PPHLN1: variants seen among roughly 807,000 people sequenced by gnomAD.
The protein encoded by PPHLN1 is periphilin 1, also known as periphilin-1.
A neutral mutation model predicts 51.3 loss-of-function variants in PPHLN1; 29 were observed. The ratio of observed to expected loss-of-function variants is 0.57; its 90% CI spans 0.42 to 0.77. The LOEUF (loss-of-function observed/expected upper bound fraction) is 0.77, where lower values mean the gene tolerates loss of function less well. Ranked by LOEUF, PPHLN1 falls within the 30% of genes least tolerant of loss-of-function variation. The pLI is 0.00. For missense variants in PPHLN1, 436 were observed against 438.4 expected (o/e 0.99, Z 0.05); for synonymous variants, 147 against 147.8 (o/e 0.99, Z 0.04).
chr12:42,436,392 A>G (rs1340105282), intron 9 of PPHLN1, among the ~76,000 whole-genome samples: 1 of 152,148 alleles, frequency 6.6e-6, no homozygotes, highest in Non-Finnish European at 1.5e-5. Flanking sequence ...ACTGCTAAAG[A>G]TTATAAAATC....
intron 1 of PPHLN1, among the ~76,000 whole-genome samples, chr12:42,332,100 A>C (rs2069840017): frequency 6.6e-6 from 1 of 152,076 alleles, no homozygotes; most frequent in Admixed American, 6.6e-5. Context: ...GCTACTAGGG[A>C]GGTTGAGTCG....
intron 1 of PPHLN1, among the ~76,000 whole-genome samples, chr12:42,327,687 C>T (rs2069014184): frequency 1.3e-5 from 2 of 152,204 alleles, no homozygotes; most frequent in Admixed American, 6.5e-5. Flanking sequence ...TCTTTGCCAT[C>T]CCTACTAAGC....
At chr12:42,395,074 TTAAA>T (rs2078077555) in intron 8 of PPHLN1, among the ~76,000 whole-genome samples, 1 of 152,116 alleles carries the variant, frequency 6.6e-6, no homozygotes, top group Non-Finnish European at 1.5e-5. Context: ...GTTCTCAAAT[TTAAA>T]TATTCTGCTT....
rs148870522 is a variant in PPHLN1, at chr12:42,437,869, T to C, written c.910-3446T>C. Reference sequence around the variant, plus strand: ...CCTTCCACTTTCCCCTGGCAACTTATGATCTCTTTAGTGTCTATGGGTTTT... The same window carrying C: ...CCTTCCACTTTCCCCTGGCAACTTACGATCTCTTTAGTGTCTATGGGTTTT... On this transcript the variant is annotated intron_variant, in intron 9 of 9. Coordinates refer to ENST00000358314, the MANE Select transcript of PPHLN1 (RefSeq NM_201439.2). Among the ~76,000 whole-genome samples, 422 of 152,326 alleles carry C rather than the reference T, an allele frequency of 2.8e-3. 1 individual carries two copies. The highest frequency in any genetic ancestry group is 9.5e-3 in the African/African-American group (393 of 41,564).
At chr12:42,391,921 T>TA (rs1437100869) in intron 7 of PPHLN1, among the ~76,000 whole-genome samples, 1 of 151,950 alleles carries the variant, frequency 6.6e-6, no homozygotes, top group Non-Finnish European at 1.5e-5. Flanking sequence ...CCTTTTCAGT[T>TA]AAAAAAATGT....
chr12:42,391,587 C>T (rs1425174657), intron 7 of PPHLN1, among the ~76,000 whole-genome samples: 3 of 151,954 alleles, frequency 2.0e-5, no homozygotes, highest in East Asian at 3.9e-4. Context: ...TGTTTTTGCT[C>T]TTTAATTTTC....
At chr12:42,353,803 G>A (rs1007818103) in intron 3 of PPHLN1, among the ~76,000 whole-genome samples, 1 of 152,056 alleles carries the variant, frequency 6.6e-6, no homozygotes, top group Non-Finnish European at 1.5e-5. Context: ...GTTTGTATTT[G>A]AAACCTCATG....
At chr12:42,421,451 G>A (rs551493970) in intron 9 of PPHLN1, among the ~76,000 whole-genome samples, 14 of 152,166 alleles carry the variant, frequency 9.2e-5, no homozygotes, top group East Asian at 1.9e-4. Flanking sequence ...AGGTTCAAGC[G>A]ATTCTCCTGT....
downstream of PPHLN1, chr12:42,446,609 C>G: frequency 6.2e-7 from 1 of 1,613,312 alleles, no homozygotes; most frequent in Non-Finnish European, 8.5e-7. Flanking sequence ...AGCCAGAAAA[C>G]AAGCAGTAAC....
intron 9 of PPHLN1, among the ~76,000 whole-genome samples, chr12:42,426,771 G>A (rs114204102): frequency 0.014 from 2,172 of 152,262 alleles, 60 homozygotes; most frequent in African/African-American, 0.048. Flanking sequence ...TCCCTGAATT[G>A]AGAACTCAAC....
chr12:42,344,396 C>G lies in PPHLN1; in HGVS notation c.73-7489C>G, dbSNP rs377183446. On this transcript the variant is annotated intron_variant, in intron 2 of 9. Transcript: ENST00000358314. ...TCCCAAAGGAGAAATCGACTATCAG[C>G]TTCATTGCCAATCTTGTTTTGTCTA... 4.6e-5 allele frequency among the ~76,000 whole-genome samples: 7 copies of G among 152,286 alleles called. No homozygotes were observed. The East Asian group carries it at 1.4e-3, about 29-fold the overall frequency.
chr12:42,414,965 G>A (rs2080239616), intron 9 of PPHLN1, among the ~76,000 whole-genome samples: 1 of 152,138 alleles, frequency 6.6e-6, no homozygotes, highest in South Asian at 2.1e-4. Flanking sequence ...ATATTAAGGT[G>A]TCAGGGTTTT....
At chr12:42,345,184 A>C (rs1448018893) in intron 2 of PPHLN1, among the ~76,000 whole-genome samples, 1 of 152,184 alleles carries the variant, frequency 6.6e-6, no homozygotes, top group African/African-American at 2.4e-5. Context: ...TTGGAAAACT[A>C]GGTATTTTAT....
chr12:42,374,369 T>C lies in PPHLN1; in HGVS notation c.300-494T>C, dbSNP rs73272006. Among the ~76,000 whole-genome samples the C allele has an allele frequency of 9.1e-3, 1,387 of 152,344 alleles. 22 individuals are homozygous for C. The highest frequency in any genetic ancestry group is 0.031 in the African/African-American group (1,290 of 41,572). On this transcript the variant is annotated intron_variant, in intron 4 of 9. Transcript: ENST00000358314. The stretch of plus-strand genomic sequence containing the variant: ...GGGTACATTCTAAATCATATTTCAC[T>C]GATACTGTTTCATTTTGTTAGCTGA...
chr12:42,421,100 A>G (rs2080966591), intron 9 of PPHLN1, among the ~76,000 whole-genome samples: 1 of 152,178 alleles, frequency 6.6e-6, no homozygotes, highest in African/African-American at 2.4e-5. Flanking sequence ...TTAAAATTTG[A>G]GCCAAAGCTA....
intron 9 of PPHLN1, chr12:42,399,276 G>T (rs1214598434): frequency 3.2e-6 from 3 of 931,092 alleles, no homozygotes. Flanking sequence ...AGTTAATAGG[G>T]ATGGGATGGA....
At chr12:42,381,466 T>C (rs2076753135) in intron 5 of PPHLN1, among the ~76,000 whole-genome samples, 1 of 152,222 alleles carries the variant, frequency 6.6e-6, no homozygotes. Context: ...AAAGGAGAAC[T>C]CTACTCAGAA....
chr12:42,393,531 C>A, intron 7 of PPHLN1, 39 bp from the exon 8 acceptor site: 1 of 1,524,802 alleles, frequency 6.6e-7, no homozygotes, highest in South Asian at 1.3e-5. Context: ...AGTTTAAAAG[C>A]CCTTGAGAAT....
downstream of PPHLN1, chr12:42,445,364 C>A: frequency 2.0e-6 from 1 of 498,076 alleles, no homozygotes; most frequent in Non-Finnish European, 3.6e-6. Flanking sequence ...AGCTCACAGG[C>A]ACGTCCCCTC....
Sources: allele counts gnomAD v4.1 joint callset (sites outside exome capture counted in the v4.1 genomes callset), GRCh38; gene constraint gnomAD v4.1.1; transcripts MANE v1.5; gene names NCBI Gene and HGNC (gene_info 2026-07-23, HGNC 2026-07-21).